The following SNTG2 variants were observed in gnomAD, a reference collection of about 807,000 sequenced individuals.
SNTG2 encodes syntrophin gamma 2.
A neutral mutation model predicts 70.9 loss-of-function variants in SNTG2; 74 were observed. The ratio of observed to expected loss-of-function variants is 1.04; its 90% CI spans 0.86 to 1.27. The LOEUF is 1.27. SNTG2 is among the 50% of genes most tolerant of loss of function. SNTG2 has a pLI of 0.00. For synonymous variants in SNTG2, 278 were observed against 273.8 expected (o/e 1.02, Z -0.15); for missense variants, 717 against 690.7 (o/e 1.04, Z -0.43).
chr2:1,253,586 T>C (rs62108690), intron 12 of SNTG2, among the ~76,000 whole-genome samples: 13,808 of 152,244 alleles, frequency 0.091, 694 homozygotes, highest in South Asian at 0.15. Flanking sequence ...GTAAAGTCCT[T>C]CTTTGAACGG....
intron 11 of SNTG2, among the ~76,000 whole-genome samples, chr2:1,245,158 T>C (rs986228297): frequency 4.1e-5 from 6 of 145,950 alleles, no homozygotes; most frequent in African/African-American, 1.5e-4. Context: ...CATTGGGAGA[T>C]ATACCTAATG....
At chr2:1,205,661 A>G (rs562778852) in intron 8 of SNTG2, among the ~76,000 whole-genome samples, 1 of 152,318 alleles carries the variant, frequency 6.6e-6, no homozygotes, top group South Asian at 2.1e-4. Flanking sequence ...CTTCATCTCC[A>G]GGCAGCTCAT....
At chr2:1,296,531 C>G (rs1053468109) in intron 14 of SNTG2, among the ~76,000 whole-genome samples, 5 of 152,216 alleles carry the variant, frequency 3.3e-5, no homozygotes, top group African/African-American at 1.2e-4. Context: ...CTGAAAAATA[C>G]AGGGTCTTAT....
chr2:1,351,038 C>T (rs771715304), intron 16 of SNTG2, among the ~76,000 whole-genome samples: 15 of 151,820 alleles, frequency 9.9e-5, no homozygotes, highest in South Asian at 2.1e-4. Flanking sequence ...TGACCTTGTT[C>T]GGCCGATAAG....
At chr2:980,072 A>G (rs183249507) in intron 1 of SNTG2, among the ~76,000 whole-genome samples, 1 of 152,312 alleles carries the variant, frequency 6.6e-6, no homozygotes, top group Non-Finnish European at 1.5e-5. Context: ...GAGAGTATCT[A>G]TGACTTCCAT....
chr2:1,093,534 T>C (rs1665173214), intron 2 of SNTG2, among the ~76,000 whole-genome samples: 1 of 152,234 alleles, frequency 6.6e-6, no homozygotes. Flanking sequence ...TTCCTAGATA[T>C]GCTAATGTTA....
chr2:1,361,282 C>T (rs1180757501), intron 16 of SNTG2, among the ~76,000 whole-genome samples: 1 of 151,894 alleles, frequency 6.6e-6, no homozygotes, highest in Non-Finnish European at 1.5e-5. Flanking sequence ...ATGATTTGTC[C>T]CATTGAGTGT....
intron 12 of SNTG2, among the ~76,000 whole-genome samples, chr2:1,257,319 A>G (rs1678176938): frequency 6.6e-6 from 1 of 152,148 alleles, no homozygotes; most frequent in South Asian, 2.1e-4. Flanking sequence ...TTCTGGCCTG[A>G]ATTGTGTGTG....
intron 9 of SNTG2, among the ~76,000 whole-genome samples, chr2:1,235,095 G>A (rs1460869965): frequency 6.6e-6 from 1 of 152,314 alleles, no homozygotes; most frequent in Admixed American, 6.5e-5. Context: ...ATTCATGAGA[G>A]GGGGGACCCC....
At chr2:1,052,964 T>A (rs13007863) in intron 1 of SNTG2, among the ~76,000 whole-genome samples, 1 of 152,158 alleles carries the variant, frequency 6.6e-6, no homozygotes, top group East Asian at 1.9e-4. Flanking sequence ...GGATCTGTGG[T>A]GATTTGTGAG....
intron 14 of SNTG2, among the ~76,000 whole-genome samples, chr2:1,300,256 G>A (rs1476738743): frequency 1.3e-5 from 2 of 152,236 alleles, no homozygotes; most frequent in Non-Finnish European, 2.9e-5. Context: ...TGACGGCACT[G>A]TTACCATCAC....
chr2:1,062,763 C>T (rs930587905), intron 1 of SNTG2, among the ~76,000 whole-genome samples: 3 of 152,090 alleles, frequency 2.0e-5, no homozygotes. Flanking sequence ...GGAAATGTGA[C>T]CACATTAAGC....
chr2:976,643 A>G (rs1411011095), intron 1 of SNTG2, among the ~76,000 whole-genome samples: 3 of 152,124 alleles, frequency 2.0e-5, no homozygotes, highest in East Asian at 1.9e-4. Flanking sequence ...TCTATCACCC[A>G]TTTCGGAACA....
intron 13 of SNTG2, among the ~76,000 whole-genome samples, chr2:1,266,987 T>C (rs1157482417): frequency 6.6e-6 from 1 of 152,104 alleles, no homozygotes; most frequent in Non-Finnish European, 1.5e-5. Context: ...CCCAGGCTGG[T>C]CTCAGACTCC....
chr2:1,089,093 C>T (rs1299710579), intron 2 of SNTG2, among the ~76,000 whole-genome samples: 3 of 152,302 alleles, frequency 2.0e-5, no homozygotes, highest in Admixed American at 6.5e-5. Flanking sequence ...GAAAAGTGGA[C>T]AGTCTTGCTG....
At chr2:1,039,155 G>T (rs1661291292) in intron 1 of SNTG2, among the ~76,000 whole-genome samples, 1 of 152,150 alleles carries the variant, frequency 6.6e-6, no homozygotes, top group Non-Finnish European at 1.5e-5. Context: ...GGTATATAAA[G>T]AAATGTTTTG....
chr2:1,283,973 G>A (rs183257109), intron 14 of SNTG2, among the ~76,000 whole-genome samples: 1 of 152,266 alleles, frequency 6.6e-6, no homozygotes, highest in East Asian at 1.9e-4. Flanking sequence ...TTTAAACTGA[G>A]TACCTCACGG....
chr2:1,228,236 G>A (rs1675929910), intron 9 of SNTG2, among the ~76,000 whole-genome samples: 1 of 152,256 alleles, frequency 6.6e-6, no homozygotes, highest in Admixed American at 6.5e-5. Context: ...AATTACCCAT[G>A]TTCACATGTG....
At chr2:966,642 A>G (rs1456469046) in intron 1 of SNTG2, among the ~76,000 whole-genome samples, 1 of 152,240 alleles carries the variant, frequency 6.6e-6, no homozygotes, top group Non-Finnish European at 1.5e-5. Context: ...ATAGAAAAGT[A>G]TTTCAAAAAC....
Sources: allele counts gnomAD v4.1 joint callset (sites outside exome capture counted in the v4.1 genomes callset), GRCh38; gene constraint gnomAD v4.1.1; transcripts MANE v1.5; gene names NCBI Gene and HGNC (gene_info 2026-07-23, HGNC 2026-07-21).